The following TCF7L1 variants were observed in gnomAD, a reference collection of about 807,000 sequenced individuals.
TCF7L1 encodes the protein transcription factor 7-like 1.
In TCF7L1, 18 loss-of-function variants were observed where a neutral mutation model predicts 63.7. That is an observed-to-expected ratio of 0.28 (90% confidence interval 0.20 to 0.42). The LOEUF is 0.42. Among genes scored for constraint, TCF7L1 ranks in the 10% least tolerant of loss-of-function variants. The pLI is 1.00. For synonymous variants in TCF7L1, 355 were observed against 340.9 expected (o/e 1.04, Z -0.46); for missense variants, 654 against 779.3 (o/e 0.84, Z 1.91).
chr2:85,162,577 C>CTGATGGACT (rs1157350031), intron 3 of TCF7L1, among the ~76,000 whole-genome samples: 2 of 152,178 alleles, frequency 1.3e-5, no homozygotes, highest in African/African-American at 2.4e-5. Context: ...CATCATGGGT[C>CTGATGGACT]AAACCTTCTG....
chr2:85,252,795 A>G (rs1046019519), intron 3 of TCF7L1, among the ~76,000 whole-genome samples: 22 of 152,192 alleles, frequency 1.4e-4, no homozygotes, highest in African/African-American at 5.3e-4. Context: ...TCCCCAGGGA[A>G]ACTGTTCTGA....
chr2:85,270,190 T>G (rs1398127497), intron 3 of TCF7L1, among the ~76,000 whole-genome samples: 1 of 152,244 alleles, frequency 6.6e-6, no homozygotes, highest in Non-Finnish European at 1.5e-5. Flanking sequence ...TGTTCCTCAC[T>G]GATTATACAC....
chr2:85,139,398 A>G (rs1677667258), intron 3 of TCF7L1, among the ~76,000 whole-genome samples: 1 of 152,256 alleles, frequency 6.6e-6, no homozygotes. Flanking sequence ...CTAAGGGACC[A>G]TGGGAAACAA....
At chr2:85,172,354 A>G (rs575151421) in intron 3 of TCF7L1, among the ~76,000 whole-genome samples, 1 of 152,124 alleles carries the variant, frequency 6.6e-6, no homozygotes, top group African/African-American at 2.4e-5. Context: ...CATACTTCTT[A>G]TTCCCAAACT....
At chr2:85,251,464 T>C (rs1288583642) in intron 3 of TCF7L1, among the ~76,000 whole-genome samples, 2 of 152,184 alleles carry the variant, frequency 1.3e-5, no homozygotes, top group African/African-American at 4.8e-5. Flanking sequence ...AAAGGCTTTT[T>C]CTAGCAGCTG....
Position 85,309,580 on chromosome 2 carries a change from T to A in TCF7L1, c.*118T>A. 1 of 1,076,200 alleles carries A rather than the reference T, an allele frequency of 9.3e-7. No homozygotes were observed. The highest frequency in any genetic ancestry group is 2.2e-5 in the South Asian group (1 of 44,670). 66.7% of individuals were successfully genotyped at this position (1,076,200 alleles called of 1,614,324 possible). ...GACCACTCTGGACTGTTCTGTAAAG[T>A]GGCTGGTAACAACAGCACTTTACAG... On this transcript the variant is annotated 3_prime_UTR_variant, in exon 12 of 12. Transcript: ENST00000282111.
At chr2:85,305,429 G>C in intron 8 of TCF7L1, 26 bp downstream of exon 8, 1 of 1,588,428 alleles carries the variant, frequency 6.3e-7, no homozygotes, top group Non-Finnish European at 8.6e-7. Flanking sequence ...CCTGGATTCA[G>C]GTGGGAGGGT....
rs569554068 is a variant in TCF7L1 at position 85,257,315 on chromosome 2, C to G, written c.442-26180C>G. Among the ~76,000 whole-genome samples, 173 of 152,092 alleles carry G rather than the reference C, an allele frequency of 1.1e-3. 1 individual carries two copies. Among genetic ancestry groups the G allele is most frequent in the African/African-American group, 3.7e-3 (154 of 41,490 alleles). The stretch of plus-strand genomic sequence containing the variant: ...AAATTAATTTAAAAAAAGAAAAATC[C>G]CTCCTTCCTGACCTACCAAGGCCTT... On this transcript the variant is annotated intron_variant, in intron 3 of 11. Transcript: ENST00000282111.
intron 3 of TCF7L1, among the ~76,000 whole-genome samples, chr2:85,228,766 A>T (rs1456141920): frequency 1.3e-5 from 2 of 152,084 alleles, no homozygotes; most frequent in Non-Finnish European, 2.9e-5. Flanking sequence ...CTGTAATCCC[A>T]GCACTTTGGG....
intron 3 of TCF7L1, among the ~76,000 whole-genome samples, chr2:85,199,723 T>C (rs1679231552): frequency 6.6e-6 from 1 of 152,210 alleles, no homozygotes; most frequent in African/African-American, 2.4e-5. Context: ...TTATACAAGA[T>C]AATTTTTTTA....
chr2:85,249,543 A>T (rs1207598042), intron 3 of TCF7L1, among the ~76,000 whole-genome samples: 1 of 151,922 alleles, frequency 6.6e-6, no homozygotes, highest in Admixed American at 6.6e-5. Context: ...GGCCTGTTGT[A>T]CTCCAAAACC....
rs1041583851 is a variant in TCF7L1 at position 85,133,535 on chromosome 2, C to G, written c.-150C>G. The G allele has an allele frequency of 2.8e-5, 5 of 175,862 alleles. No individual in the cohort carries two copies. Among genetic ancestry groups the G allele is most frequent in the African/African-American group, 9.6e-5 (4 of 41,556 alleles). The allele number at this position is 175,862 out of a possible 1,614,324, so 10.9% of individuals were successfully genotyped here. ...CGCCCCGGCCGGGCAGCGCCGGGCC[C>G]GCTTCCCGCGGGGCCACGCCCTGTC... On this transcript the variant is annotated 5_prime_UTR_variant, in exon 1 of 12. Transcript: ENST00000282111. This position sits in a 1 kb window ranked among gnomAD's most constrained non-coding sequence, Gnocchi z 4.4.
chr2:85,300,512 G>T (rs1245845659), intron 4 of TCF7L1, among the ~76,000 whole-genome samples: 1 of 152,178 alleles, frequency 6.6e-6, no homozygotes, highest in Non-Finnish European at 1.5e-5. Context: ...CCAGCTGTGT[G>T]CTGGCGCCAC....
chr2:85,280,367 A>T (rs903005005), intron 3 of TCF7L1, among the ~76,000 whole-genome samples: 1 of 152,212 alleles, frequency 6.6e-6, no homozygotes, highest in Non-Finnish European at 1.5e-5. Context: ...CCTGCACTAC[A>T]GTCCTACAAG....
chr2:85,274,231 G>C (rs549607468), intron 3 of TCF7L1, among the ~76,000 whole-genome samples: 82 of 152,304 alleles, frequency 5.4e-4, no homozygotes, highest in Non-Finnish European at 9.4e-4. Context: ...GGTCACAGCC[G>C]ATGGGAGAGG....
intron 3 of TCF7L1, among the ~76,000 whole-genome samples, chr2:85,228,484 G>C (rs1680004393): frequency 6.6e-6 from 1 of 152,164 alleles, no homozygotes; most frequent in Admixed American, 6.5e-5. Flanking sequence ...GTGAGAGAGA[G>C]GGATGAATGT....
intron 3 of TCF7L1, among the ~76,000 whole-genome samples, chr2:85,205,497 C>T (rs958389660): frequency 2.6e-5 from 4 of 151,332 alleles, no homozygotes; most frequent in African/African-American, 9.7e-5. Flanking sequence ...TCATAGAAGA[C>T]TTCCGGGGCA....
intron 3 of TCF7L1, among the ~76,000 whole-genome samples, chr2:85,266,558 C>G (rs1227485351): frequency 1.3e-5 from 2 of 152,208 alleles, no homozygotes; most frequent in African/African-American, 4.8e-5. Context: ...TCACCGGCTC[C>G]TGGGGTTTTC....
At chr2:85,142,759 G>C (rs1677776560) in intron 3 of TCF7L1, among the ~76,000 whole-genome samples, 1 of 152,118 alleles carries the variant, frequency 6.6e-6, no homozygotes, top group Non-Finnish European at 1.5e-5. Context: ...GAAATGAAGG[G>C]AACCATGAGG....
Sources: gnomAD v4.1 joint callset for allele counts (sites outside exome capture counted in the v4.1 genomes callset) on GRCh38, gnomAD v4.1.1 for gene constraint, Gnocchi (gnomAD v3.1) non-coding constraint, MANE v1.5 for transcripts, NCBI Gene and HGNC (gene_info 2026-07-23, HGNC 2026-07-21) for gene names.